The following OR7E24 variants were observed in gnomAD, a reference collection of about 807,000 sequenced individuals.
The protein encoded by OR7E24 is olfactory receptor 7E24.
For missense variants in OR7E24, 385 were observed against 410.3 expected, an observed-to-expected ratio of 0.94 and a Z score of 0.53; for synonymous variants, 130 against 157.5, an observed-to-expected ratio of 0.83 and a Z score of 1.31.
chr19:9,241,047 C>A, the OR7E24 span, among the ~76,000 whole-genome samples: 1 of 152,096 alleles, frequency 6.6e-6, no homozygotes, highest in Non-Finnish European at 1.5e-5. Flanking sequence ...GAACTCCTGA[C>A]CTCAAGTGAT....
the OR7E24 span, among the ~76,000 whole-genome samples, chr19:9,234,633 C>A: frequency 6.6e-6 from 1 of 152,148 alleles, no homozygotes; most frequent in Non-Finnish European, 1.5e-5. Flanking sequence ...ACCTCAGATA[C>A]CCTGATGTGA....
chr19:9,228,042 A>C, the OR7E24 span, among the ~76,000 whole-genome samples: 64,302 of 151,936 alleles, frequency 0.42, 17,674 homozygotes, highest in African/African-American at 0.79. Context: ...CGTGAGCCAC[A>C]GCGCCCGGCC....
Position 9,251,705 on chromosome 19 carries a change from G to C in OR7E24, c.662G>C (p.Gly221Ala). 6.2e-7 allele frequency: 1 copy of C among 1,613,496 alleles called. No homozygotes were observed. The highest frequency in any genetic ancestry group is 8.5e-7 in the Non-Finnish European group (1 of 1,179,710). Residue 221 changes from glycine to alanine, a missense_variant, in exon 1 of 1, where the codon GGT becomes GCT. By Grantham distance (60) the Gly-to-Ala change is moderately conservative. Transcript: ENST00000456448. ...AATGAAATGGTCATATATTTCATGG[G>C]TGCCATATTTGGCTGTCTCCCTATC... ...FINEMVIYFM[G>A]AIFGCLPISG...
the OR7E24 span, among the ~76,000 whole-genome samples, chr19:9,221,955 T>TA: frequency 1.3e-5 from 2 of 152,226 alleles, no homozygotes; most frequent in African/African-American, 4.8e-5. Flanking sequence ...TTTTAGGTTT[T>TA]ACATTTAAGA....
chr19:9,212,261 CAG>C, the OR7E24 span: 1 of 152,124 alleles, frequency 6.6e-6, no homozygotes, highest in Non-Finnish European at 1.5e-5. Flanking sequence ...ATGTTTTAGA[CAG>C]AGTCTTGCTC....
chr19:9,246,086 T>A, upstream of OR7E24, among the ~76,000 whole-genome samples: 1 of 121,034 alleles, frequency 8.3e-6, no homozygotes, highest in Non-Finnish European at 1.6e-5. Context: ...TTTTTTTTTT[T>A]TTTTATGGAG....
chr19:9,231,353 G>A, the OR7E24 span, among the ~76,000 whole-genome samples: 5 of 151,998 alleles, frequency 3.3e-5, no homozygotes, highest in East Asian at 1.9e-4. Flanking sequence ...AGGCCAAGGC[G>A]GGTGGATCAT....
chr19:9,222,455 T>C, the OR7E24 span, among the ~76,000 whole-genome samples: 1 of 152,218 alleles, frequency 6.6e-6, no homozygotes, highest in African/African-American at 2.4e-5. Context: ...TCCATTTATT[T>C]GTATCTTCTT....
At chr19:9,243,748 G>A (rs2066122223), upstream of OR7E24, among the ~76,000 whole-genome samples, 1 of 152,202 alleles carries the variant, frequency 6.6e-6, no homozygotes, top group African/African-American at 2.4e-5. Flanking sequence ...TCCTTTGAAA[G>A]TGCAAGTTGT....
chr19:9,218,752 C>T, the OR7E24 span, among the ~76,000 whole-genome samples: 14 of 152,144 alleles, frequency 9.2e-5, no homozygotes, highest in African/African-American at 2.9e-4. Flanking sequence ...TCTCAGTCTC[C>T]CGAGTAACTG....
At chr19:9,242,914 C>T (rs968692933), upstream of OR7E24, among the ~76,000 whole-genome samples, 1 of 151,602 alleles carries the variant, frequency 6.6e-6, no homozygotes, top group Non-Finnish European at 1.5e-5. Flanking sequence ...TTCTCTCATT[C>T]CCTCCTTCCT....
chr19:9,224,778 A>AG, the OR7E24 span, among the ~76,000 whole-genome samples: 4 of 151,960 alleles, frequency 2.6e-5, no homozygotes, highest in East Asian at 1.9e-4. Flanking sequence ...AAAAAAAAAA[A>AG]AGAGAGAGAG....
At chr19:9,220,931 G>A in the OR7E24 span, among the ~76,000 whole-genome samples, 1 of 152,066 alleles carries the variant, frequency 6.6e-6, no homozygotes, top group Non-Finnish European at 1.5e-5. Flanking sequence ...ATATCTCATT[G>A]TGGTTTTCAT....
the OR7E24 span, among the ~76,000 whole-genome samples, chr19:9,217,621 C>G: frequency 6.6e-6 from 1 of 152,158 alleles, no homozygotes; most frequent in South Asian, 2.1e-4. Context: ...TCACTGCAAC[C>G]TCTGCCTCCC....
the OR7E24 span, among the ~76,000 whole-genome samples, chr19:9,232,322 G>A: frequency 6.6e-6 from 1 of 151,982 alleles, no homozygotes. Flanking sequence ...GACGGATCAC[G>A]AGGTCAGGAG....
At chr19:9,223,722 C>A in the OR7E24 span, among the ~76,000 whole-genome samples, 4 of 146,164 alleles carry the variant, frequency 2.7e-5, no homozygotes, top group Non-Finnish European at 5.9e-5. Context: ...CAAACTCAGG[C>A]ATTTTTCTCT....
chr19:9,219,991 G>C, the OR7E24 span, among the ~76,000 whole-genome samples: 1 of 151,670 alleles, frequency 6.6e-6, no homozygotes, highest in African/African-American at 2.4e-5. Context: ...TGGATCCCTC[G>C]GTGTTGAAAA....
the OR7E24 span, among the ~76,000 whole-genome samples, chr19:9,227,915 G>C: frequency 6.6e-6 from 1 of 150,488 alleles, no homozygotes; most frequent in Non-Finnish European, 1.5e-5. Context: ...CACTACGCCC[G>C]GCTAATTTTT....
In OR7E24 at chr19:9,251,224, C is replaced by A. The variant is rs2066145461; in HGVS notation, c.181C>A (p.Leu61Met). 6.2e-7 allele frequency: 1 copy of A among 1,613,894 alleles called. No individual in the cohort carries two copies. Among genetic ancestry groups the A allele is most frequent in the Admixed American group, 1.7e-5 (1 of 59,982 alleles). Residue 61 changes from leucine to methionine, a missense_variant, in exon 1 of 1, where the codon CTG becomes ATG. Coordinates refer to ENST00000456448, the MANE Select transcript of OR7E24 (RefSeq NM_001079935.2). The part of the protein sequence containing the change: ...SMYLVTVLGN[L>M]LIILAVSSDS... ...GTACCTGGTCACGGTGCTGGGGAAC[C>A]TGCTCATCATCCTGGCTGTCAGCTC...
Sources: gnomAD v4.1 joint callset for allele counts (sites outside exome capture counted in the v4.1 genomes callset) on GRCh38, gnomAD v4.1.1 for gene constraint, MANE v1.5 for transcripts, NCBI Gene and HGNC (gene_info 2026-07-23, HGNC 2026-07-21) for gene names.